Variants in PTPN14 observed in about 807,000 individuals in gnomAD.
The protein encoded by PTPN14 is tyrosine-protein phosphatase non-receptor type 14.
In PTPN14, 53 loss-of-function variants were observed where a neutral mutation model predicts 126.8. The ratio of observed to expected loss-of-function variants is 0.42; its 90% confidence interval spans 0.34 to 0.53. PTPN14 has a LOEUF of 0.53. PTPN14 is among the 20% of genes least tolerant of loss of function. PTPN14 has a pLI of 0.08. For missense variants in PTPN14, 1,257 were observed against 1,552.9 expected (o/e 0.81, Z 3.20); for synonymous variants, 630 against 599.3 (o/e 1.05, Z -0.75).
intron 3 of PTPN14, among the ~76,000 whole-genome samples, chr1:214,449,158 C>A (rs1660216060): frequency 6.6e-6 from 1 of 151,298 alleles, no homozygotes; most frequent in African/African-American, 2.4e-5. Context: ...AGGCGCCCAC[C>A]ACCACGCCCG....
chr1:214,362,820 T>C (rs375335278), intron 18 of PTPN14, among the ~76,000 whole-genome samples: 348 of 151,224 alleles, frequency 2.3e-3, no homozygotes, highest in African/African-American at 7.7e-3. Context: ...CTGGGCAACA[T>C]AGCAAAACCC....
chr1:214,439,735 G>A (rs1009456619), intron 3 of PTPN14, among the ~76,000 whole-genome samples: 2 of 152,148 alleles, frequency 1.3e-5, no homozygotes, highest in Non-Finnish European at 2.9e-5. Flanking sequence ...GACACCTGCT[G>A]ACACCTTTCT....
At chr1:214,449,797 T>C (rs1339375273) in intron 3 of PTPN14, among the ~76,000 whole-genome samples, 1 of 152,056 alleles carries the variant, frequency 6.6e-6, no homozygotes, top group Non-Finnish European at 1.5e-5. Context: ...CGGCCTCTGT[T>C]TGCAATTATG....
At chr1:214,389,840 C>T (rs1024014964) in intron 11 of PTPN14, among the ~76,000 whole-genome samples, 6 of 152,166 alleles carry the variant, frequency 3.9e-5, no homozygotes, top group Non-Finnish European at 7.3e-5. Context: ...TAAATCAGTG[C>T]CATGAACAAA....
Position 214,379,524 on chromosome 1 carries a change from A to G in PTPN14, c.2545-1422T>C, listed in dbSNP as rs140649459. On this transcript the variant is annotated intron_variant, in intron 13 of 18. Coordinates refer to ENST00000366956, the MANE Select transcript of PTPN14 (RefSeq NM_005401.5). ...GTATCTCAGAGGAGGTTACTGGGAGAAAGTGAGAAAAGCACTGTGAAAGGA... is the reference window on the plus strand; with the variant it reads ...GTATCTCAGAGGAGGTTACTGGGAGGAAGTGAGAAAAGCACTGTGAAAGGA... Among the ~76,000 whole-genome samples the G allele has an allele frequency of 3.9e-4, 59 of 152,298 alleles. No individual in the cohort carries two copies. The East Asian group carries it at 8.7e-3, about 22-fold the overall frequency.
chr1:214,358,262 AT>A (rs1434948503), intron 18 of PTPN14, among the ~76,000 whole-genome samples: 1 of 152,088 alleles, frequency 6.6e-6, no homozygotes, highest in East Asian at 1.9e-4. Context: ...GGGATATTTT[AT>A]TTTTATTTAA....
chr1:214,424,358 CATA>C (rs1417699417), intron 3 of PTPN14, among the ~76,000 whole-genome samples: 1 of 151,678 alleles, frequency 6.6e-6, no homozygotes, highest in Admixed American at 6.6e-5. Context: ...AAAACACAGA[CATA>C]ACAAACAAAC....
chr1:214,458,263 G>A (rs1189267540), intron 2 of PTPN14, among the ~76,000 whole-genome samples: 1 of 152,096 alleles, frequency 6.6e-6, no homozygotes, highest in South Asian at 2.1e-4. Context: ...TTCTCAGGCT[G>A]GTCTTGAACC....
intron 15 of PTPN14, among the ~76,000 whole-genome samples, chr1:214,376,011 T>G (rs1196944339): frequency 1.3e-5 from 2 of 152,156 alleles, no homozygotes; most frequent in Non-Finnish European, 2.9e-5. Context: ...CTGAAGTTCT[T>G]CCTGAGGCTG....
chr1:214,491,229 ACC>A (rs1020461035), intron 1 of PTPN14, among the ~76,000 whole-genome samples: 3 of 152,094 alleles, frequency 2.0e-5, no homozygotes, highest in Admixed American at 6.5e-5. Flanking sequence ...AAAACTCTAA[ACC>A]CAAACTTCAT....
intron 5 of PTPN14, among the ~76,000 whole-genome samples, chr1:214,408,949 TAAAAC>T (rs1659233227): frequency 1.3e-5 from 2 of 152,294 alleles, no homozygotes; most frequent in Admixed American, 1.3e-4. Context: ...TCTTTTTTGT[TAAAAC>T]AAAACAAAAC....
intron 1 of PTPN14, among the ~76,000 whole-genome samples, chr1:214,502,869 T>C (rs905975910): frequency 2.0e-5 from 3 of 152,236 alleles, no homozygotes; most frequent in Non-Finnish European, 2.9e-5. Context: ...TTGCATAGGA[T>C]GTATTCAGGC....
chr1:214,493,130 G>A (rs570825746), intron 1 of PTPN14, among the ~76,000 whole-genome samples: 1 of 152,258 alleles, frequency 6.6e-6, no homozygotes, highest in East Asian at 1.9e-4. Context: ...GCCCAAATTG[G>A]GCTGGCTGCA....
intron 17 of PTPN14, among the ~76,000 whole-genome samples, chr1:214,367,844 G>C (rs531098810): frequency 1.3e-5 from 2 of 152,346 alleles, no homozygotes; most frequent in South Asian, 4.1e-4. Context: ...GAGTACGTCG[G>C]AAGTGAAGAC....
At chr1:214,385,020 A>C (rs936654686) in intron 12 of PTPN14, among the ~76,000 whole-genome samples, 2 of 152,226 alleles carry the variant, frequency 1.3e-5, no homozygotes, top group Non-Finnish European at 2.9e-5. Context: ...TAATGGAAGA[A>C]GGCATGCACA....
intron 14 of PTPN14, among the ~76,000 whole-genome samples, chr1:214,376,728 G>A (rs1658351072): frequency 6.6e-6 from 1 of 152,114 alleles, no homozygotes; most frequent in Non-Finnish European, 1.5e-5. Context: ...TAATGATAAA[G>A]AGACTGTTAA....
At chr1:214,540,839 T>C (rs545903784) in intron 1 of PTPN14, among the ~76,000 whole-genome samples, 1 of 152,238 alleles carries the variant, frequency 6.6e-6, no homozygotes, top group South Asian at 2.1e-4. Flanking sequence ...CATGTGTAAA[T>C]CCATTAGATT....
intron 1 of PTPN14, among the ~76,000 whole-genome samples, chr1:214,505,149 T>C (rs539841693): frequency 2.6e-4 from 39 of 149,812 alleles, no homozygotes; most frequent in African/African-American, 9.6e-4. Context: ...GTGGCGGTCA[T>C]GTGAACAAAC....
intron 1 of PTPN14, among the ~76,000 whole-genome samples, chr1:214,471,069 C>T (rs1277626543): frequency 1.3e-5 from 2 of 149,322 alleles, no homozygotes; most frequent in Admixed American, 6.7e-5. Flanking sequence ...CACTTGAACC[C>T]CCTAAATCTT....
Sources: allele counts gnomAD v4.1 joint callset (sites outside exome capture counted in the v4.1 genomes callset), GRCh38; gene constraint gnomAD v4.1.1; transcripts MANE v1.5; gene names NCBI Gene and HGNC (gene_info 2026-07-23, HGNC 2026-07-21).